The following EMB variants were observed in gnomAD, a reference collection of about 807,000 sequenced individuals.
EMB encodes embigin, also known as embigin homolog.
In EMB, 31 loss-of-function variants were observed where a neutral mutation model predicts 41.4. The observed-to-expected ratio is 0.75, with a 90% CI of 0.56 to 1.01. EMB has a LOEUF of 1.01. Ranked by LOEUF, EMB falls within the 50% of genes least tolerant of loss-of-function variation. EMB has a pLI of 0.00. For synonymous variants in EMB, 137 were observed against 140.4 expected (o/e 0.98, Z 0.17); for missense variants, 379 against 388.3 (o/e 0.98, Z 0.20).
Position 50,409,276 on chromosome 5 carries a change from C to T in EMB, c.472+1601G>A, listed in dbSNP as rs113956984. Among the ~76,000 whole-genome samples, 813 of 152,112 alleles carry T rather than the reference C, an allele frequency of 5.3e-3. 14 individuals are homozygous for T. Among genetic ancestry groups the T allele is most frequent in the African/African-American group, 0.019 (783 of 41,496 alleles). On this transcript the variant is annotated intron_variant, in intron 4 of 8. Transcript: ENST00000303221. The stretch of plus-strand genomic sequence containing the variant: ...TTCACATTAGACACAAGAATGGTCA[C>T]TTCCACATAATAATTTAAGTAATTA...
rs1344226856 is a variant in EMB, at chr5:50,428,137, C to A, written c.196+7G>T. 1 of 1,577,246 alleles carries A rather than the reference C, an allele frequency of 6.3e-7. No homozygotes were observed. Among genetic ancestry groups the A allele is most frequent in the Non-Finnish European group, 8.7e-7 (1 of 1,152,970 alleles). On this transcript the variant is annotated splice_region_variant and intron_variant, in intron 2 of 8. Transcript: ENST00000303221. ...GAATTGCATTATTTGAAACATGATA[C>A]ATTTACCAGTCAGTGATATGTTATG...
chr5:50,433,055 A>T (rs1745747709), intron 1 of EMB, among the ~76,000 whole-genome samples: 2 of 151,996 alleles, frequency 1.3e-5, no homozygotes, highest in African/African-American at 4.8e-5. Context: ...TCCAGCCTGG[A>T]TGACAGAGTG....
In EMB at chr5:50,402,292, T is replaced by A; in HGVS notation, c.905A>T (p.Glu302Val). 1.2e-6 allele frequency: 2 copies of A among 1,609,788 alleles called. No homozygotes were observed. The highest frequency in any genetic ancestry group is 1.7e-6 in the Non-Finnish European group (2 of 1,176,956). The change falls in exon 7 of 9, where the codon GAA (glutamate) becomes GTA (valine). Residue 302 changes from glutamate (E) to valine (V), a missense_variant. Glu to Val is a moderately radical substitution (Grantham distance 121). Transcript: ENST00000303221. Reference protein sequence around the residue: ...SDEGKEFEQIEQLKSDDSNGI... With the variant: ...SDEGKEFEQIVQLKSDDSNGI... ...TGTAAAAAATAATACTTACAGCTGT[T>A]CAATCTGCTCAAATTCTTTCCCCTC...
rs760232355 is a variant in EMB, at chr5:50,403,356, T to G, written c.699A>C (p.Glu233Asp). Residue 233 changes from glutamate to aspartate, a missense_variant, in exon 6 of 9, where the codon GAA becomes GAC. Glu to Asp is a conservative substitution (Grantham distance 45). Transcript: ENST00000303221. ...KITQLLEEDG[E>D]SYWCRALFQL... Reference sequence around the variant, plus strand: ...GGAATAGTGCACGGCACCAGTAAGATTCCCCATCTTCCTCCAAAAGTTGTG... The same window carrying G: ...GGAATAGTGCACGGCACCAGTAAGAGTCCCCATCTTCCTCCAAAAGTTGTG... 3.1e-6 allele frequency: 5 copies of G among 1,612,600 alleles called. No individual in the cohort carries two copies. Among genetic ancestry groups the G allele is most frequent in the Non-Finnish European group, 4.2e-6 (5 of 1,179,196 alleles).
intron 1 of EMB, among the ~76,000 whole-genome samples, chr5:50,438,983 C>G (rs950507850): frequency 2.0e-5 from 3 of 150,922 alleles, no homozygotes; most frequent in Non-Finnish European, 4.4e-5. Context: ...ATTTACCTAA[C>G]AGTGCACTGT....
intron 4 of EMB, among the ~76,000 whole-genome samples, chr5:50,409,171 T>C (rs1200980797): frequency 6.6e-6 from 1 of 152,120 alleles, no homozygotes; most frequent in East Asian, 1.9e-4. Context: ...CTCAAAACAG[T>C]TGGAGAATCA....
intron 2 of EMB, among the ~76,000 whole-genome samples, chr5:50,424,092 A>G (rs1303020736): frequency 6.6e-6 from 1 of 152,152 alleles, no homozygotes; most frequent in Non-Finnish European, 1.5e-5. Flanking sequence ...TAAAACTCAA[A>G]TATCTTGGCA....
chr5:50,410,738 G>A, intron 4 of EMB, 139 bp downstream of exon 4: 1 of 520,612 alleles, frequency 1.9e-6, no homozygotes, highest in Non-Finnish European at 3.2e-6. Flanking sequence ...GCTGCCTCTT[G>A]TGGCTCTGGA....
intron 4 of EMB, among the ~76,000 whole-genome samples, chr5:50,408,820 A>T (rs967742005): frequency 1.3e-5 from 2 of 152,098 alleles, no homozygotes; most frequent in African/African-American, 4.8e-5. Flanking sequence ...TATAATATCC[A>T]TAATGTACAG....
chr5:50,414,105 T>A (rs1214360122), intron 2 of EMB, among the ~76,000 whole-genome samples: 2 of 150,710 alleles, frequency 1.3e-5, no homozygotes, highest in African/African-American at 4.9e-5. Context: ...AGAGAAGGAG[T>A]TGTGTTTGGA....
chr5:50,428,413 T>C, intron 1 of EMB, 186 bp from the exon 2 acceptor site: 2 of 1,213,610 alleles, frequency 1.6e-6, no homozygotes, highest in Non-Finnish European at 2.1e-6. Context: ...GTGAAAAAAA[T>C]TCTGATTTTT....
At chr5:50,434,323 G>T (rs1176594082) in intron 1 of EMB, among the ~76,000 whole-genome samples, 1 of 152,168 alleles carries the variant, frequency 6.6e-6, no homozygotes, top group Non-Finnish European at 1.5e-5. Context: ...TCTTCAATGT[G>T]ATCATTCTTA....
rs1477727763 is a variant in EMB, at chr5:50,412,616, A to G, written c.197-1233T>C. Among the ~76,000 whole-genome samples, 3 of 151,666 alleles carry G rather than the reference A, an allele frequency of 2.0e-5. No individual in the cohort carries two copies. In the East Asian group the frequency reaches 5.8e-4, roughly 29 times the overall value. On this transcript the variant is annotated intron_variant, in intron 2 of 8. Coordinates refer to ENST00000303221, the MANE Select transcript of EMB (RefSeq NM_198449.3). ...TCTCCTTACCCTACTAAGATGGTGT[A>G]TAAGCCCCCACTTTTAACTGGCCCT...
rs1745104685 is a variant in EMB at position 50,398,330 on chromosome 5, A to G, written c.*943T>C. 6.6e-6 allele frequency: 1 copy of G among 151,974 alleles called. No individual in the cohort carries two copies. The highest frequency in any genetic ancestry group is 1.5e-5 in the Non-Finnish European group (1 of 67,960). The allele number at this position is 151,974 out of a possible 1,614,324, so 9.4% of individuals were successfully genotyped here. ...TAAGGCATTCACAGCAATAAAAAAG[A>G]AGTGCTTTAGTATTTCTGGACTTCA... On this transcript the variant is annotated 3_prime_UTR_variant, in exon 9 of 9. Transcript: ENST00000303221.
At chr5:50,428,092 T>C (rs1258107654) in intron 2 of EMB, 52 bp downstream of exon 2, 4 of 1,337,636 alleles carry the variant, frequency 3.0e-6, no homozygotes, top group Admixed American at 3.8e-5. Flanking sequence ...TTAAGAAAAA[T>C]TGCTTAAACC....
chr5:50,425,827 G>A (rs1007653521), intron 2 of EMB, among the ~76,000 whole-genome samples: 10 of 151,670 alleles, frequency 6.6e-5, no homozygotes, highest in African/African-American at 2.4e-4. Flanking sequence ...GGGAATACAG[G>A]TGCCCACCAC....
chr5:50,401,656 T>C (rs1490836213), intron 7 of EMB, among the ~76,000 whole-genome samples: 2 of 152,000 alleles, frequency 1.3e-5, no homozygotes, highest in African/African-American at 4.8e-5. Context: ...GACCTCCTCA[T>C]GCTTAACTCT....
intron 2 of EMB, among the ~76,000 whole-genome samples, chr5:50,414,831 T>A (rs1745403018): frequency 6.6e-6 from 1 of 152,190 alleles, no homozygotes; most frequent in African/African-American, 2.4e-5. Context: ...TCCTAGTATA[T>A]TTTAAACATT....
upstream of EMB, among the ~76,000 whole-genome samples, chr5:50,442,311 C>G (rs373965552): frequency 2.7e-4 from 41 of 152,078 alleles, no homozygotes; most frequent in East Asian, 4.3e-3. Context: ...GTAATTGGTA[C>G]GTATTACTAA....
Sources: gnomAD v4.1 joint callset for allele counts (sites outside exome capture counted in the v4.1 genomes callset) on GRCh38, gnomAD v4.1.1 for gene constraint, MANE v1.5 for transcripts, NCBI Gene and HGNC (gene_info 2026-07-23, HGNC 2026-07-21) for gene names.